The following RFX3 variants were observed in gnomAD, a reference collection of about 807,000 sequenced individuals.
RFX3 encodes regulatory factor X3.
In RFX3, 14 loss-of-function variants were observed where a neutral mutation model predicts 98.6. The ratio of observed to expected loss-of-function variants is 0.14; its 90% CI spans 0.09 to 0.22. RFX3 has a LOEUF of 0.22. RFX3 is among the 10% of genes least tolerant of loss of function. The pLI is 1.00. For missense variants in RFX3, 639 were observed against 926.9 expected (o/e 0.69, Z 4.03); for synonymous variants, 383 against 328.4 (o/e 1.17, Z -1.80).
chr9:3,382,756 G>C (rs1391858231), intron 2 of RFX3, among the ~76,000 whole-genome samples: 1 of 151,996 alleles, frequency 6.6e-6, no homozygotes, highest in African/African-American at 2.4e-5. Context: ...TTTCTTGATA[G>C]TAATTTTCAG....
At chr9:3,436,571 C>T (rs905000066) in intron 1 of RFX3, among the ~76,000 whole-genome samples, 1 of 152,034 alleles carries the variant, frequency 6.6e-6, no homozygotes, top group Non-Finnish European at 1.5e-5. Context: ...AAACATTTGT[C>T]ATCAATGGAC....
intron 15 of RFX3, among the ~76,000 whole-genome samples, chr9:3,243,454 A>G (rs969066425): frequency 6.6e-6 from 1 of 152,022 alleles, no homozygotes; most frequent in Non-Finnish European, 1.5e-5. Flanking sequence ...AGCTTAGGGG[A>G]GTCCATTGTA....
chr9:3,316,150 A>T (rs997169941), intron 4 of RFX3, among the ~76,000 whole-genome samples: 4 of 152,226 alleles, frequency 2.6e-5, no homozygotes, highest in African/African-American at 9.6e-5. Flanking sequence ...AACTGAATCC[A>T]GCAGTACATC....
chr9:3,369,149 A>C (rs1214410034), intron 2 of RFX3, among the ~76,000 whole-genome samples: 3 of 152,250 alleles, frequency 2.0e-5, no homozygotes, highest in Non-Finnish European at 4.4e-5. Flanking sequence ...TATTCGTTTT[A>C]GTCCGTTCAG....
At chr9:3,230,998 G>T (rs745630084) in intron 15 of RFX3, among the ~76,000 whole-genome samples, 11 of 152,054 alleles carry the variant, frequency 7.2e-5, no homozygotes, top group Admixed American at 2.0e-4. Flanking sequence ...TACTTAATAC[G>T]AATAATACAT....
intron 1 of RFX3, among the ~76,000 whole-genome samples, chr9:3,487,985 A>C (rs1473578742): frequency 6.6e-6 from 1 of 152,110 alleles, no homozygotes; most frequent in African/African-American, 2.4e-5. Flanking sequence ...GTAAAGCATG[A>C]CCTTTGTGTA....
At position 3,467,139 on chromosome 9, in the gene RFX3, T is replaced by C. The variant is rs1219158435; in HGVS notation, c.-9+58608A>G. On this transcript the variant is annotated intron_variant, in intron 1 of 16. Coordinates refer to ENST00000617270, the MANE Select transcript of RFX3 (RefSeq NM_001282116.2). Reference sequence around the variant, plus strand: ...ACATACATATATGTAAGTATATATGTATATACATAATATATATGTATATAC... The same window carrying C: ...ACATACATATATGTAAGTATATATGCATATACATAATATATATGTATATAC... 2.8e-5 allele frequency among the ~76,000 whole-genome samples: 4 copies of C among 143,362 alleles called. No individual in the cohort carries two copies. The East Asian group carries it at 7.9e-4, about 28-fold the overall frequency. 94.1% of individuals were successfully genotyped at this position (143,362 alleles called of 152,430 possible).
At chr9:3,516,587 G>C (rs920082589) in intron 1 of RFX3, among the ~76,000 whole-genome samples, 1 of 152,126 alleles carries the variant, frequency 6.6e-6, no homozygotes, top group Admixed American at 6.5e-5. Context: ...AGACCTTGAC[G>C]GGATTTTTAG....
intron 2 of RFX3, among the ~76,000 whole-genome samples, chr9:3,369,961 T>A (rs1418646770): frequency 2.0e-5 from 3 of 150,648 alleles, no homozygotes; most frequent in Non-Finnish European, 4.5e-5. Context: ...CCCGAGTAGC[T>A]GGGACTACAG....
intron 1 of RFX3, among the ~76,000 whole-genome samples, chr9:3,467,037 T>A (rs944037790): frequency 4.0e-5 from 4 of 99,006 alleles, no homozygotes; most frequent in African/African-American, 1.5e-4. Context: ...ATTATATATA[T>A]ATATATATAT....
At chr9:3,369,247 ATTCAACGT>A (rs1837540621) in intron 2 of RFX3, among the ~76,000 whole-genome samples, 1 of 152,224 alleles carries the variant, frequency 6.6e-6, no homozygotes, top group South Asian at 2.1e-4. Context: ...ATCAAGGCAG[ATTCAACGT>A]TTGATGACAG....
Position 3,346,706 on chromosome 9 carries a change from T to A in RFX3, c.176A>T (p.Tyr59Phe). Reference sequence around the variant, plus strand: ...ATAGACAGTATCGCTTCCTTCCACATACTGCACCTGAGCGGGATAGACATG... The same window carrying A: ...ATAGACAGTATCGCTTCCTTCCACAAACTGCACCTGAGCGGGATAGACATG... Reference protein sequence around the residue: ...VQHVYPAQVQYVEGSDTVYTN... With the variant: ...VQHVYPAQVQFVEGSDTVYTN... The change falls in exon 3 of 17, where the codon TAT (tyrosine) becomes TTT (phenylalanine). Residue 59 changes from tyrosine to phenylalanine, a missense_variant. Coordinates refer to ENST00000617270, the MANE Select transcript of RFX3 (RefSeq NM_001282116.2). The A allele has an allele frequency of 6.2e-7, 1 of 1,613,712 alleles. No individual in the cohort carries two copies. Among genetic ancestry groups the A allele is most frequent in the Non-Finnish European group, 8.5e-7 (1 of 1,179,616 alleles).
Position 3,395,483 on chromosome 9 carries a change from C to G in RFX3, c.106G>C (p.Val36Leu). ...VPTQVVQQVP[V>L]QQQVQQVQTV... Reference sequence around the variant, plus strand: ...CAGCAGCTCCTTACCTGTTGTTGTACTGGTACTTGCTGTACCACCTGCGTA... The same window carrying G: ...CAGCAGCTCCTTACCTGTTGTTGTAGTGGTACTTGCTGTACCACCTGCGTA... The change falls in exon 2 of 17, where the codon GTA (valine) becomes CTA (leucine). Residue 36 changes from valine (V) to leucine (L), a missense_variant. By Grantham distance (32) the Val-to-Leu change is conservative (BLOSUM62 1). Coordinates refer to ENST00000617270, the MANE Select transcript of RFX3 (RefSeq NM_001282116.2). 2 of 1,614,066 alleles carry G rather than the reference C, an allele frequency of 1.2e-6. No homozygotes were observed. Among genetic ancestry groups the G allele is most frequent in the Non-Finnish European group, 1.7e-6 (2 of 1,179,962 alleles).
intron 2 of RFX3, among the ~76,000 whole-genome samples, chr9:3,367,926 C>T (rs1837393771): frequency 6.6e-6 from 1 of 152,136 alleles, no homozygotes. Flanking sequence ...TATCATCAAT[C>T]CCTAGAATTG....
intron 12 of RFX3, among the ~76,000 whole-genome samples, chr9:3,263,620 G>A (rs1823206888): frequency 6.6e-6 from 1 of 152,154 alleles, no homozygotes; most frequent in Admixed American, 6.5e-5. Flanking sequence ...GTAATTTTGA[G>A]GCGAGATTAT....
intron 1 of RFX3, among the ~76,000 whole-genome samples, chr9:3,413,123 C>G (rs948134967): frequency 1.3e-5 from 2 of 149,156 alleles, no homozygotes; most frequent in Non-Finnish European, 3.0e-5. Context: ...ATAGCAAGAT[C>G]GATTTTTTTT....
At chr9:3,304,102 C>T (rs867974590) in intron 4 of RFX3, among the ~76,000 whole-genome samples, 2 of 151,918 alleles carry the variant, frequency 1.3e-5, no homozygotes, top group Non-Finnish European at 2.9e-5. Context: ...TGGAAACCCA[C>T]GGGCTTCCAA....
intron 5 of RFX3, among the ~76,000 whole-genome samples, chr9:3,300,144 T>G (rs1327145222): frequency 6.6e-6 from 1 of 151,704 alleles, no homozygotes; most frequent in African/African-American, 2.4e-5. Context: ...GAAATCAGCC[T>G]TTAATGCAAT....
At chr9:3,353,721 T>C (rs1282104003) in intron 2 of RFX3, among the ~76,000 whole-genome samples, 1 of 152,024 alleles carries the variant, frequency 6.6e-6, no homozygotes, top group Admixed American at 6.6e-5. Context: ...TGTAATATGT[T>C]TAAAGGAAGA....
Sources: gnomAD v4.1 joint callset for allele counts (sites outside exome capture counted in the v4.1 genomes callset) on GRCh38, gnomAD v4.1.1 for gene constraint, MANE v1.5 for transcripts, NCBI Gene and HGNC (gene_info 2026-07-23, HGNC 2026-07-21) for gene names.